The following TBC1D5 variants were observed in gnomAD, a reference collection of about 807,000 sequenced individuals.
TBC1D5 encodes the protein TBC1 domain family member 5.
TBC1D5 carries 75 observed loss-of-function variants against 100.3 expected under a neutral mutation model. The observed-to-expected ratio is 0.75, with a 90% confidence interval of 0.62 to 0.91. The LOEUF (loss-of-function observed/expected upper bound fraction) is 0.91. Ranked by LOEUF, TBC1D5 falls within the 40% of genes least tolerant of loss-of-function variation. The pLI is 0.00. For synonymous variants in TBC1D5, 323 were observed against 325.6 expected (o/e 0.99, Z 0.09); for missense variants, 910 against 942.4 (o/e 0.97, Z 0.45).
chr3:17,674,551 G>A (rs1279055290), intron 1 of TBC1D5, among the ~76,000 whole-genome samples: 1 of 152,094 alleles, frequency 6.6e-6, no homozygotes, highest in Non-Finnish European at 1.5e-5. Context: ...ACTAGAGTGT[G>A]ATCAAATCCT....
chr3:17,225,663 A>G (rs1330066854), intron 17 of TBC1D5, among the ~76,000 whole-genome samples: 1 of 151,986 alleles, frequency 6.6e-6, no homozygotes, highest in Non-Finnish European at 1.5e-5. Flanking sequence ...GCGTGCCTGT[A>G]GTCCACTCAT....
chr3:17,631,452 TAACTG>T (rs1316771012), intron 1 of TBC1D5, among the ~76,000 whole-genome samples: 1 of 152,246 alleles, frequency 6.6e-6, no homozygotes, highest in East Asian at 1.9e-4. Context: ...ATAGTTAAGA[TAACTG>T]ATGAAGGTGG....
At chr3:17,525,757 T>C (rs1365836610) in intron 2 of TBC1D5, among the ~76,000 whole-genome samples, 4 of 136,730 alleles carry the variant, frequency 2.9e-5, no homozygotes, top group Non-Finnish European at 6.0e-5. Context: ...AAGCGTCTAG[T>C]GTTTTCCTAC....
chr3:17,221,132 T>C (rs2074237655), intron 17 of TBC1D5, among the ~76,000 whole-genome samples: 1 of 152,088 alleles, frequency 6.6e-6, no homozygotes, highest in South Asian at 2.1e-4. Flanking sequence ...GGCAGAATAA[T>C]GCCTAAGCCT....
chr3:17,334,166 A>G (rs1345204948), intron 13 of TBC1D5, among the ~76,000 whole-genome samples: 5 of 152,046 alleles, frequency 3.3e-5, no homozygotes, highest in Non-Finnish European at 7.4e-5. Context: ...TGGAAATATG[A>G]CCGTGAGAGT....
At chr3:17,477,678 C>T (rs1032588080) in intron 3 of TBC1D5, among the ~76,000 whole-genome samples, 1 of 151,968 alleles carries the variant, frequency 6.6e-6, no homozygotes, top group Non-Finnish European at 1.5e-5. Flanking sequence ...TTAATGGCTA[C>T]ATATCCATTT....
At chr3:17,352,875 C>A (rs1281855117) in intron 13 of TBC1D5, among the ~76,000 whole-genome samples, 1 of 151,948 alleles carries the variant, frequency 6.6e-6, no homozygotes, top group Admixed American at 6.6e-5. Flanking sequence ...GAGCTAATAC[C>A]ACTCAAGTCC....
chr3:17,614,302 G>GT (rs1447310649), intron 2 of TBC1D5, among the ~76,000 whole-genome samples: 2 of 152,180 alleles, frequency 1.3e-5, no homozygotes, highest in African/African-American at 2.4e-5. Context: ...TTGTAGTATA[G>GT]TTTGAAGTCA....
At chr3:17,523,260 T>A (rs932639104) in intron 2 of TBC1D5, among the ~76,000 whole-genome samples, 3 of 152,130 alleles carry the variant, frequency 2.0e-5, no homozygotes, top group Non-Finnish European at 4.4e-5. Flanking sequence ...TTTTAAGATA[T>A]CCTACTGCTT....
intron 2 of TBC1D5, among the ~76,000 whole-genome samples, chr3:17,539,453 T>C (rs2096325355): frequency 1.3e-5 from 2 of 152,206 alleles, no homozygotes; most frequent in African/African-American, 4.8e-5. Context: ...TGCAGGGCCA[T>C]TTTTAAATAT....
At chr3:17,660,712 T>C (rs1271820905) in intron 1 of TBC1D5, among the ~76,000 whole-genome samples, 2 of 152,212 alleles carry the variant, frequency 1.3e-5, no homozygotes, top group African/African-American at 4.8e-5. Context: ...CTTGCTCATA[T>C]AGTGCTTGGA....
intron 19 of TBC1D5, among the ~76,000 whole-genome samples, chr3:17,170,392 C>T (rs535435491): frequency 1.9e-3 from 294 of 152,236 alleles, no homozygotes; most frequent in Non-Finnish European, 3.1e-3. Context: ...TTTTTGGGTT[C>T]AAGGAACTAA....
chr3:17,697,594 T>G (rs2072337243), intron 1 of TBC1D5, among the ~76,000 whole-genome samples: 4 of 152,194 alleles, frequency 2.6e-5, no homozygotes, highest in African/African-American at 9.6e-5. Context: ...CACTGCTCAA[T>G]GAAATAAAAG....
In TBC1D5 at chr3:17,367,369, T is replaced by C. The variant is rs1033068141; in HGVS notation, c.995+4706A>G. Among the ~76,000 whole-genome samples the C allele has an allele frequency of 2.0e-5, 3 of 152,248 alleles. No individual in the cohort carries two copies. The South Asian group carries it at 6.2e-4, about 32-fold the overall frequency. ...TTGCACAAAAATAATCCCCAAGTGA[T>C]GAAATCTCAGGACATTCTTATGCTT... is the stretch of plus-strand genomic sequence containing the variant. On this transcript the variant is annotated intron_variant, in intron 13 of 21. Coordinates refer to ENST00000253692, the Ensembl canonical transcript of TBC1D5.
exon 5 of TBC1D5, chr3:17,406,482 G>A: frequency 6.2e-7 from 1 of 1,611,560 alleles, no homozygotes; most frequent in East Asian, 2.2e-5. Context: ...CTGCCTTATT[G>A]TTGCCAAGTA....
In TBC1D5 at chr3:17,160,972, CA is replaced by C; in HGVS notation, c.2378del (p.Leu793ArgfsTer15). The C allele has an allele frequency of 6.2e-7, 1 of 1,613,392 alleles. No individual in the cohort carries two copies. Among genetic ancestry groups the C allele is most frequent in the Non-Finnish European group, 8.5e-7 (1 of 1,179,674 alleles). ...GGACTGGGCACTGTGGTCAGATGTC[CA>C]GGGGACTCACAATGGTGAAGCCAGA... On this transcript the variant is annotated frameshift_variant, in exon 22 of 22. Coordinates refer to ENST00000253692, the Ensembl canonical transcript of TBC1D5. LOFTEE classifies it high-confidence loss of function.
At chr3:17,686,462 CTAAT>C (rs10579216) in intron 1 of TBC1D5, among the ~76,000 whole-genome samples, 86,221 of 151,398 alleles carry the variant, frequency 0.57, 25,314 homozygotes, top group East Asian at 0.97. Flanking sequence ...ACCTAATTTA[CTAAT>C]TAATTAAAGT....
intron 15 of TBC1D5, among the ~76,000 whole-genome samples, chr3:17,266,533 A>G (rs955447590): frequency 6.6e-6 from 1 of 152,172 alleles, no homozygotes; most frequent in Non-Finnish European, 1.5e-5. Context: ...CTTTTCTTTA[A>G]CAGCCTTACC....
chr3:17,695,885 C>G (rs957463794), intron 1 of TBC1D5, among the ~76,000 whole-genome samples: 4 of 152,086 alleles, frequency 2.6e-5, no homozygotes, highest in African/African-American at 4.8e-5. Context: ...GAACATAAAT[C>G]ACAACAAACT....
Sources: gnomAD v4.1 joint callset for allele counts (sites outside exome capture counted in the v4.1 genomes callset) on GRCh38, gnomAD v4.1.1 for gene constraint, MANE v1.5 for transcripts, NCBI Gene and HGNC (gene_info 2026-07-23, HGNC 2026-07-21) for gene names.